The following GSTO1 variants were observed in gnomAD, a reference collection of about 807,000 sequenced individuals.
GSTO1 encodes glutathione S-transferase omega-1.
GSTO1 carries 27 observed loss-of-function variants against 23.8 expected under a neutral mutation model. The ratio of observed to expected loss-of-function variants is 1.13; its 90% CI spans 0.83 to 1.56. The LOEUF is 1.56. Ranked by LOEUF, GSTO1 falls within the 40% of genes most tolerant of loss-of-function variation. The pLI is 0.00. For missense variants in GSTO1, 255 were observed against 285.8 expected (o/e 0.89, Z 0.78); for synonymous variants, 105 against 109.3 (o/e 0.96, Z 0.25).
chr10:104,257,616 C>G (rs12253203), intron 2 of GSTO1, among the ~76,000 whole-genome samples: 2 of 151,944 alleles, frequency 1.3e-5, no homozygotes, highest in Non-Finnish European at 2.9e-5. Context: ...TCTGGGATTA[C>G]AGATGTAAGC....
chr10:104,264,513 T>C (rs955371173), intron 4 of GSTO1, among the ~76,000 whole-genome samples: 3 of 152,224 alleles, frequency 2.0e-5, no homozygotes, highest in Non-Finnish European at 4.4e-5. Flanking sequence ...ATCACCCCCT[T>C]TGGCAAACCC....
chr10:104,257,310 A>G (rs1415507348), intron 2 of GSTO1, among the ~76,000 whole-genome samples: 3 of 151,316 alleles, frequency 2.0e-5, no homozygotes, highest in Non-Finnish European at 4.4e-5. Flanking sequence ...CAGTACATGG[A>G]GATTTAATCT....
intron 1 of GSTO1, 53 bp from the exon 2 acceptor site, chr10:104,255,110 G>C: frequency 3.4e-6 from 5 of 1,467,708 alleles, no homozygotes; most frequent in Non-Finnish European, 1.9e-6. Flanking sequence ...GGTGGGATAC[G>C]GGGGGTCTCG....
intron 3 of GSTO1, among the ~76,000 whole-genome samples, chr10:104,260,582 CT>C (rs2011130650): frequency 6.6e-6 from 1 of 152,208 alleles, no homozygotes; most frequent in African/African-American, 2.4e-5. Flanking sequence ...TTGTACCTTA[CT>C]TAGCATCAAC....
At chr10:104,261,544 G>A (rs2011139908) in intron 3 of GSTO1, among the ~76,000 whole-genome samples, 1 of 151,590 alleles carries the variant, frequency 6.6e-6, no homozygotes, top group African/African-American at 2.4e-5. Flanking sequence ...GTTAATTAGA[G>A]GCTAGAAAAA....
chr10:104,262,695 G>C (rs994177385), intron 3 of GSTO1, among the ~76,000 whole-genome samples: 2 of 152,190 alleles, frequency 1.3e-5, no homozygotes, highest in African/African-American at 4.8e-5. Context: ...CTGGGTGATA[G>C]AGCATGACTC....
At chr10:104,264,411 A>G (rs182322080) in intron 4 of GSTO1, among the ~76,000 whole-genome samples, 1 of 152,358 alleles carries the variant, frequency 6.6e-6, no homozygotes, top group East Asian at 1.9e-4. Context: ...TAAGCAATCT[A>G]AAATGCATAT....
chr10:104,261,547 T>C (rs751650355), intron 3 of GSTO1, among the ~76,000 whole-genome samples: 5 of 152,114 alleles, frequency 3.3e-5, no homozygotes, highest in Admixed American at 6.6e-5. Flanking sequence ...AATTAGAGGC[T>C]AGAAAAACCA....
At chr10:104,254,655 G>A, upstream of GSTO1, 1 of 544,852 alleles carries the variant, frequency 1.8e-6, no homozygotes, top group East Asian at 3.3e-5. Flanking sequence ...CTTCGTTCGG[G>A]GGCGGAGGGA....
In GSTO1 at chr10:104,260,090, T is replaced by C. The variant is rs17881078; in HGVS notation, c.366+292T>C. On this transcript the variant is annotated intron_variant, in intron 3 of 5. Transcript: ENST00000369713. ...TTCTTGCTGTCAGATTCTTCCCACT[T>C]CTCACTGTGCCTGGTTATCTCCACG... 1.1e-3 allele frequency among the ~76,000 whole-genome samples: 166 copies of C among 152,314 alleles called. 1 individual carries two copies. Among genetic ancestry groups the C allele is most frequent in the Middle Eastern group, 0.01 (3 of 294 alleles).
chr10:104,254,890 C>A, upstream of GSTO1: 4 of 1,605,766 alleles, frequency 2.5e-6, no homozygotes, highest in Non-Finnish European at 3.4e-6. Flanking sequence ...CCTGAATCCC[C>A]TGCAAACCCC....
At chr10:104,255,365 T>A in intron 2 of GSTO1, 94 bp downstream of exon 2, 2 of 758,872 alleles carry the variant, frequency 2.6e-6, no homozygotes, top group Admixed American at 4.4e-5. Context: ...TCTACCCCCC[T>A]CCCACCAGCG....
chr10:104,255,113 G>T (rs2091595826), intron 1 of GSTO1, 50 bp from the exon 2 acceptor site: 1 of 1,479,110 alleles, frequency 6.8e-7, no homozygotes, highest in South Asian at 1.2e-5. Flanking sequence ...GGGATACGGG[G>T]GGTCTCGACA....
intron 3 of GSTO1, among the ~76,000 whole-genome samples, chr10:104,262,514 C>G (rs1351628538): frequency 6.6e-6 from 1 of 152,152 alleles, no homozygotes; most frequent in African/African-American, 2.4e-5. Flanking sequence ...AGTTTTCAGA[C>G]CAGCCTGGCC....
At chr10:104,264,371 T>C (rs1228450219) in intron 4 of GSTO1, among the ~76,000 whole-genome samples, 2 of 152,146 alleles carry the variant, frequency 1.3e-5, no homozygotes, top group Non-Finnish European at 2.9e-5. Context: ...ATAATTAGTT[T>C]AGTAGTAGAC....
At chr10:104,260,051 C>T (rs2011126674) in intron 3 of GSTO1, among the ~76,000 whole-genome samples, 1 of 152,194 alleles carries the variant, frequency 6.6e-6, no homozygotes, top group Admixed American at 6.5e-5. Flanking sequence ...CAAATTCGCC[C>T]CTTTCTCTTT....
Position 104,266,112 on chromosome 10 carries a change from T to A in GSTO1, c.494T>A (p.Phe165Tyr). The A allele has an allele frequency of 1.9e-6, 3 of 1,607,396 alleles. No homozygotes were observed. Among genetic ancestry groups the A allele is most frequent in the Non-Finnish European group, 2.6e-6 (3 of 1,173,912 alleles). ...CTGACTAATAAGAAGACGACCTTCTTTGGTGGCAATTCTATCTCTATGATT... is the reference window on the plus strand; with the variant it reads ...CTGACTAATAAGAAGACGACCTTCTATGGTGGCAATTCTATCTCTATGATT... The part of the protein sequence containing the change: ...EVLTNKKTTF[F>Y]GGNSISMIDY... Residue 165 changes from phenylalanine to tyrosine, a missense_variant, in exon 5 of 6, where the codon TTT becomes TAT. Coordinates refer to ENST00000369713, the MANE Select transcript of GSTO1 (RefSeq NM_004832.3).
rs1394865725 is a variant in GSTO1 at position 104,255,242 on chromosome 10, G to A, written c.114G>A (p.Thr38=). 1 of 1,612,740 alleles carries A rather than the reference G, an allele frequency of 6.2e-7. No homozygotes were observed. Among genetic ancestry groups the A allele is most frequent in the African/African-American group, 1.3e-5 (1 of 74,904 alleles). The change falls in exon 2 of 6, where the codon ACG becomes ACA. Residue 38 remains threonine, a synonymous_variant. Transcript: ENST00000369713. ...GGTTCTGCCCGTTTGCTGAGAGGAC[G>A]CGTCTAGTCCTGAAGGCCAAGGGAA... ...SMRFCPFAER[T]RLVLKAKGIR... is the part of the protein sequence containing the mutation.
chr10:104,266,588 T>C (rs59299813), intron 5 of GSTO1, among the ~76,000 whole-genome samples: 11,230 of 152,034 alleles, frequency 0.074, 1,394 homozygotes, highest in African/African-American at 0.26. Context: ...AATACAAAAA[T>C]TAGCTGGGCA....
Sources: gnomAD v4.1 joint callset for allele counts (sites outside exome capture counted in the v4.1 genomes callset) on GRCh38, gnomAD v4.1.1 for gene constraint, MANE v1.5 for transcripts, NCBI Gene and HGNC (gene_info 2026-07-23, HGNC 2026-07-21) for gene names.